DGKD: variants seen among roughly 807,000 people sequenced by gnomAD.
The protein encoded by DGKD is DAG kinase delta.
In DGKD, 68 loss-of-function variants were observed where a neutral mutation model predicts 154.4. That is an observed-to-expected ratio of 0.44 (90% confidence interval 0.36 to 0.54). The LOEUF is 0.54. Ranked by LOEUF, DGKD falls within the 20% of genes least tolerant of loss-of-function variation. The pLI is 0.00. For missense variants in DGKD, 1,343 were observed against 1,593.6 expected, an observed-to-expected ratio of 0.84 and a Z score of 2.68; for synonymous variants, 693 against 638.0, an observed-to-expected ratio of 1.09 and a Z score of -1.30.
At chr2:233,391,318 A>G (rs1003232933) in intron 3 of DGKD, among the ~76,000 whole-genome samples, 1 of 152,098 alleles carries the variant, frequency 6.6e-6, no homozygotes, top group Non-Finnish European at 1.5e-5. Flanking sequence ...TGCTTACTCT[A>G]CAGTGTTTAT....
In DGKD at chr2:233,441,887, C is replaced by T; in HGVS notation, c.1086C>T (p.Gly362=). The T allele has an allele frequency of 6.2e-7, 1 of 1,613,332 alleles. No individual in the cohort carries two copies. Among genetic ancestry groups the T allele is most frequent in the Non-Finnish European group, 8.5e-7 (1 of 1,179,318 alleles). Residue 362 remains glycine, a splice_region_variant and synonymous_variant, in exon 10 of 30, where the codon GGC becomes GGT. Transcript: ENST00000264057. This position sits in a 1 kb window ranked among gnomAD's most constrained non-coding sequence, Gnocchi z 5.6. ...FDLMNGGPHL[G]LRLFQKFDTF... is the part of the protein sequence containing the mutation. ...CACGGCCTTTCTCTTTTCTCTGCAG[C>T]TTACGGTTATTCCAGAAGTTTGACA... is the stretch of plus-strand genomic sequence containing the variant.
intron 1 of DGKD, among the ~76,000 whole-genome samples, chr2:233,367,721 C>G (rs1013820023): frequency 6.6e-6 from 1 of 152,114 alleles, no homozygotes; most frequent in Admixed American, 6.5e-5. Context: ...GGGCATATCC[C>G]TAAATATGGA....
chr2:233,375,685 C>T (rs1702536529), intron 1 of DGKD, among the ~76,000 whole-genome samples: 1 of 152,080 alleles, frequency 6.6e-6, no homozygotes, highest in African/African-American at 2.4e-5. Flanking sequence ...CACTGACTTC[C>T]AAGTTTCCAA....
chr2:233,427,141 C>T (rs1575098337), intron 3 of DGKD, among the ~76,000 whole-genome samples: 1 of 152,116 alleles, frequency 6.6e-6, no homozygotes, highest in African/African-American at 2.4e-5. Flanking sequence ...CACTCCTCCT[C>T]TGTGACATCA....
chr2:233,354,537 G>C lies in DGKD; in HGVS notation c.19G>C (p.Ala7Pro), dbSNP rs1442916579. The C allele has an allele frequency of 1.2e-5, 12 of 993,236 alleles. No individual in the cohort carries two copies. The highest frequency in any genetic ancestry group is 5.1e-4 in the Middle Eastern group (1 of 1,978). 61.5% of individuals were successfully genotyped at this position (993,236 alleles called of 1,614,324 possible). The change falls in exon 1 of 30, where the codon GCC (alanine) becomes CCC (proline). Residue 7 changes from alanine (A) to proline (P), a missense_variant. Ala to Pro is a conservative substitution (Grantham distance 27, BLOSUM62 -1). Around this residue, in one of 6 missense-constraint regions of DGKD, gnomAD observed 57 missense variants for 27.8 expected, o/e 2.05. Coordinates refer to ENST00000264057, the MANE Select transcript of DGKD (RefSeq NM_152879.3). The surrounding 1 kb of genome is among the most constrained non-coding windows in gnomAD (Gnocchi z 4.8). The part of the protein sequence containing the change: MAAAAG[A>P]PPPGPPQPPP... Reference sequence around the variant, plus strand: ...CGGCAGCATGGCGGCGGCGGCGGGCGCCCCTCCGCCGGGTCCCCCGCAACC... The same window carrying C: ...CGGCAGCATGGCGGCGGCGGCGGGCCCCCCTCCGCCGGGTCCCCCGCAACC...
In DGKD at chr2:233,457,113, C is replaced by T. The variant is rs2063484719; in HGVS notation, c.2473-108C>T. On this transcript the variant is annotated intron_variant, in intron 20 of 29. Coordinates refer to ENST00000264057, the MANE Select transcript of DGKD (RefSeq NM_152879.3). The surrounding 1 kb of genome is among the most constrained non-coding windows in gnomAD (Gnocchi z 5.5). ...TGCACAGGGACTTGCCTGGGGATGC[C>T]CTGGCCACGGCTGTGCTCCTGAGCC... 1.3e-5 allele frequency: 17 copies of T among 1,314,880 alleles called. No individual in the cohort carries two copies. Among genetic ancestry groups the T allele is most frequent in the Non-Finnish European group, 1.5e-5 (14 of 920,054 alleles). The allele number at this position is 1,314,880 out of a possible 1,614,324, so 81.5% of individuals were successfully genotyped here. A position where few individuals can be genotyped will look rare whatever the true frequency, so the allele number is the denominator to read the frequency against.
chr2:233,410,765 G>GTTT (rs2061807737), intron 3 of DGKD, among the ~76,000 whole-genome samples: 2 of 152,146 alleles, frequency 1.3e-5, no homozygotes, highest in Non-Finnish European at 2.9e-5. Context: ...CAGTTTGATA[G>GTTT]TTTTTATACA....
At chr2:233,436,292 G>T (rs1427835668) in intron 6 of DGKD, 24 bp from the exon 7 acceptor site, 2 of 1,613,996 alleles carry the variant, frequency 1.2e-6, no homozygotes, top group Non-Finnish European at 1.7e-6. Flanking sequence ...AGCGTCCCTA[G>T]TGCGTGCCTC....
At chr2:233,418,796 G>T (rs2125537918) in intron 3 of DGKD, among the ~76,000 whole-genome samples, 1 of 152,118 alleles carries the variant, frequency 6.6e-6, no homozygotes, top group Admixed American at 6.5e-5. Flanking sequence ...CAGCTGTTTG[G>T]GCCCACGTTC....
chr2:233,433,375 G>C (rs1424861012), intron 3 of DGKD, among the ~76,000 whole-genome samples: 1 of 151,822 alleles, frequency 6.6e-6, no homozygotes, highest in Non-Finnish European at 1.5e-5. Context: ...ATTTGTGGGA[G>C]CTAATAAAAA....
intron 1 of DGKD, 30 bp from the exon 2 acceptor site, chr2:233,388,227 A>G (rs777377772): frequency 6.3e-7 from 1 of 1,597,836 alleles, no homozygotes; most frequent in South Asian, 1.1e-5. Flanking sequence ...TTGAAAACGC[A>G]AGTTTATGAA....
intron 27 of DGKD, among the ~76,000 whole-genome samples, chr2:233,464,972 T>C (rs1269971347): frequency 2.0e-5 from 3 of 152,254 alleles, no homozygotes; most frequent in Admixed American, 6.5e-5. Context: ...TGGGCACCCC[T>C]GCCCAGTGGG....
At chr2:233,434,686 T>C in intron 4 of DGKD, 83 bp from the exon 5 acceptor site, 1 of 1,562,694 alleles carries the variant, frequency 6.4e-7, no homozygotes, top group South Asian at 1.2e-5. Context: ...TCTTGGATAC[T>C]TTGTTTAATC....
intron 3 of DGKD, chr2:233,392,419 A>G (rs1342229575): frequency 2.0e-5 from 3 of 152,162 alleles, no homozygotes; most frequent in African/African-American, 4.8e-5. Flanking sequence ...TTACTCCTTT[A>G]TCTTGCAATT....
intron 16 of DGKD, 87 bp downstream of exon 16, chr2:233,450,218 C>T (rs1056316516): frequency 6.9e-7 from 1 of 1,442,578 alleles, no homozygotes. Flanking sequence ...GGTTTTAGGG[C>T]ACTTTCTCAT....
Position 233,397,842 on chromosome 2 carries a change from G to T in DGKD, c.348+7359G>T, listed in dbSNP as rs537109507. ...GGCAGGCTAGTGATCAGGTCAGAAG[G>T]GGGTGGAGTAGATGAAGGTGTCAGG... On this transcript the variant is annotated intron_variant, in intron 3 of 29. Coordinates refer to ENST00000264057, the MANE Select transcript of DGKD (RefSeq NM_152879.3). Among the ~76,000 whole-genome samples, 451 of 151,970 alleles carry T rather than the reference G, an allele frequency of 3.0e-3. 6 individuals carry two copies. Among genetic ancestry groups the T allele is most frequent in the Non-Finnish European group, 2.0e-3 (138 of 67,956 alleles).
At position 233,441,959 on chromosome 2, in the gene DGKD, C is replaced by A; in HGVS notation, c.1158C>A (p.Val386=). The change falls in exon 10 of 30, where the codon GTC becomes GTA. Residue 386 remains valine, a synonymous_variant. Coordinates refer to ENST00000264057, the MANE Select transcript of DGKD (RefSeq NM_152879.3). This position sits in a 1 kb window ranked among gnomAD's most constrained non-coding sequence, Gnocchi z 5.6. ...GCGGGGATGGAAGTGTTGGCTGGGT[C>A]CTCTCCGAAATCGACAGCCTCAACC... ...VCGGDGSVGW[V]LSEIDSLNLH... 1 of 1,614,054 alleles carries A rather than the reference C, an allele frequency of 6.2e-7. No homozygotes were observed. The highest frequency in any genetic ancestry group is 1.3e-5 in the African/African-American group (1 of 74,980).
chr2:233,445,587 G>T lies in DGKD; in HGVS notation c.1195-36G>T. 1 of 1,569,042 alleles carries T rather than the reference G, an allele frequency of 6.4e-7. No homozygotes were observed. The highest frequency in any genetic ancestry group is 8.7e-7 in the Non-Finnish European group (1 of 1,156,024). On this transcript the variant is annotated intron_variant, in intron 10 of 29. Transcript: ENST00000264057. This position sits in a 1 kb window ranked among gnomAD's most constrained non-coding sequence, Gnocchi z 5.5. ...GCTGGGAAGTGGCCCCTGCCCCCAG[G>T]TGTTTGCCTGCGCATCGTCCCCCAT...
Position 233,448,135 on chromosome 2 carries a change from A to G in DGKD, c.1468A>G (p.Lys490Glu), listed in dbSNP as rs968164741. The G allele has an allele frequency of 6.2e-7, 1 of 1,613,992 alleles. No homozygotes were observed. ...YEDSVAAHLS[K>E]ILTSDQHSVV... ...AGACTCGGTTGCAGCCCACCTTTCTAAAATCCTCACCTCGGACCAGCACTC... is the reference window on the plus strand; with the variant it reads ...AGACTCGGTTGCAGCCCACCTTTCTGAAATCCTCACCTCGGACCAGCACTC... The change falls in exon 13 of 30, where the codon AAA becomes GAA. Residue 490 changes from lysine (K) to glutamate (E), a missense_variant. Lys to Glu is a moderately conservative substitution (Grantham distance 56). This residue lies in a region of DGKD where 409 missense variants were observed against 446.0 expected (regional missense o/e 0.92). Transcript: ENST00000264057.
Sources: gnomAD v4.1 joint callset for allele counts (sites outside exome capture counted in the v4.1 genomes callset) on GRCh38, gnomAD v4.1.1 for gene constraint, gnomAD v4.1.1 regional missense constraint, Gnocchi (gnomAD v3.1) non-coding constraint, MANE v1.5 for transcripts, NCBI Gene and HGNC (gene_info 2026-07-23, HGNC 2026-07-21) for gene names.